The following PAQR4 variants were observed in gnomAD, a reference collection of about 807,000 sequenced individuals.
The protein encoded by PAQR4 is progestin and adipoQ receptor family member 4, also known as progestin and adipoQ receptor family member IV.
PAQR4 carries 26 observed loss-of-function variants against 20.9 expected under a neutral mutation model. That is an observed-to-expected ratio of 1.24 (90% CI 0.91 to 1.73). The LOEUF (loss-of-function observed/expected upper bound fraction) is 1.73, where lower values mean the gene tolerates loss of function less well. Among genes scored for constraint, PAQR4 ranks in the 40% most tolerant of loss-of-function variants. The pLI is 0.00. For missense variants in PAQR4, 400 were observed against 380.1 expected, an observed-to-expected ratio of 1.05 and a Z score of -0.44; for synonymous variants, 193 against 171.6, an observed-to-expected ratio of 1.12 and a Z score of -0.97.
Position 2,971,202 on chromosome 16 carries a change from C to A in PAQR4, c.212C>A (p.Pro71His). 1 of 1,613,416 alleles carries A rather than the reference C, an allele frequency of 6.2e-7. No individual in the cohort carries two copies. The highest frequency in any genetic ancestry group is 8.5e-7 in the Non-Finnish European group (1 of 1,180,004). The part of the protein sequence containing the change: ...GFLVLVPMTM[P>H]WGQLGKDGWL... The stretch of plus-strand genomic sequence containing the variant: ...CTGGTGCTGGTGCCAATGACCATGC[C>A]CTGGGGTCAGCTGGGCAAGGATGGC... The change falls in exon 2 of 3, where the codon CCC becomes CAC. Residue 71 changes from proline (P) to histidine (H), a missense_variant. Transcript: ENST00000318782.
Position 2,969,564 on chromosome 16 carries a change from TGGGCGCC to T in PAQR4, c.-96_-90del, listed in dbSNP as rs532150186. On this transcript the variant is annotated 5_prime_UTR_variant, in exon 1 of 3. The change abolishes the stop of an existing upstream ORF in the 5' untranslated region. Coordinates refer to ENST00000318782, the MANE Select transcript of PAQR4 (RefSeq NM_152341.5). Reference sequence around the variant, plus strand: ...CGCCGATCGAGCGCAGGGCGATGGGTGGGCGCCGGGCGCCGGGCGCCAGGCAGTGATG... The same window carrying T: ...CGCCGATCGAGCGCAGGGCGATGGGTGGGCGCCGGGCGCCAGGCAGTGATG... 558 of 1,254,104 alleles carry T rather than the reference TGGGCGCC, an allele frequency of 4.4e-4. No homozygotes were observed. The African/African-American group carries it at 6.1e-3, about 14-fold the overall frequency. The allele number at this position is 1,254,104 out of a possible 1,614,324, so 77.7% of individuals were successfully genotyped here.
rs1163312632 is a variant in PAQR4 at position 2,973,462 on chromosome 16, A to G, written c.*1514A>G. 1 of 1,512,872 alleles carries G rather than the reference A, an allele frequency of 6.6e-7. No homozygotes were observed. Among genetic ancestry groups the G allele is most frequent in the Admixed American group, 2.0e-5 (1 of 49,126 alleles). 93.7% of individuals were successfully genotyped at this position (1,512,872 alleles called of 1,614,324 possible). ...ACACATGGACTTGGAGGCAGATTTG[A>G]AATAAACTTTTAGTAAATGTAAGCC... On this transcript the variant is annotated 3_prime_UTR_variant, in exon 3 of 3. Transcript: ENST00000318782.
rs868732145 is a variant in PAQR4 at position 2,971,764 on chromosome 16, C to T, written c.638C>T (p.Ala213Val). ...LPCYLRMDALALLGGLVNVAR... is the reference protein window; with the variant it reads ...LPCYLRMDALVLLGGLVNVAR... ...TGCTACCTGCGCATGGACGCACTGGCGCTGCTTGGGGGACTGGTAAATGTA... is the reference window on the plus strand; with the variant it reads ...TGCTACCTGCGCATGGACGCACTGGTGCTGCTTGGGGGACTGGTAAATGTA... Residue 213 changes from alanine to valine, a missense_variant, in exon 3 of 3, where the codon GCG (alanine) becomes GTG (valine). Physicochemically the swap from Ala to Val is moderately conservative, Grantham distance 64 (BLOSUM62 0). Transcript: ENST00000318782. 9.3e-6 allele frequency: 15 copies of T among 1,612,820 alleles called. No individual in the cohort carries two copies. The highest frequency in any genetic ancestry group is 2.7e-5 in the African/African-American group (2 of 74,944).
intron 2 of PAQR4, 60 bp downstream of exon 2, chr16:2,971,438 C>A: frequency 6.3e-7 from 1 of 1,580,820 alleles, no homozygotes; most frequent in South Asian, 1.1e-5. Context: ...ATGGGGCACG[C>A]ATACAAGCCA....
chr16:2,970,062 T>A, intron 1 of PAQR4: 3 of 602,956 alleles, frequency 5.0e-6, no homozygotes, highest in Non-Finnish European at 8.5e-6. Context: ...GGGAGCAGAG[T>A]AGGGTCTGAG....
In PAQR4 at chr16:2,973,182, C is replaced by G; in HGVS notation, c.*1234C>G. The G allele has an allele frequency of 6.5e-7, 1 of 1,527,320 alleles. No individual in the cohort carries two copies. The highest frequency in any genetic ancestry group is 2.3e-5 in the East Asian group (1 of 43,074). The allele number at this position is 1,527,320 out of a possible 1,614,324, so 94.6% of individuals were successfully genotyped here. ...GGGGGGTGGAGGTGCTCCCCACAGT[C>G]CGGGCCAGGACAGCCTCAGGGGAGA... On this transcript the variant is annotated 3_prime_UTR_variant, in exon 3 of 3. Transcript: ENST00000318782.
In PAQR4 at chr16:2,973,478, A is replaced by T. The variant is rs1281234370; in HGVS notation, c.*1530A>T. 6.7e-7 allele frequency: 1 copy of T among 1,485,754 alleles called. No individual in the cohort carries two copies. Among genetic ancestry groups the T allele is most frequent in the African/African-American group, 1.4e-5 (1 of 71,754 alleles). 92.0% of individuals were successfully genotyped at this position (1,485,754 alleles called of 1,614,324 possible). A position where few individuals can be genotyped will look rare whatever the true frequency, so the allele number is the denominator to read the frequency against. ...GCAGATTTGAAATAAACTTTTAGTAAATGTAAGCCTTTCTGGAACTTCTTG... is the reference window on the plus strand; with the variant it reads ...GCAGATTTGAAATAAACTTTTAGTATATGTAAGCCTTTCTGGAACTTCTTG... On this transcript the variant is annotated 3_prime_UTR_variant, in exon 3 of 3. Transcript: ENST00000318782.
Position 2,972,213 on chromosome 16 carries a change from A to C in PAQR4, c.*265A>C. ...AACCTTTCCCTCTTGGGACCTCTTTACCCTCTGTGACCTGTGGGGTTAGAC... is the reference window on the plus strand; with the variant it reads ...AACCTTTCCCTCTTGGGACCTCTTTCCCCTCTGTGACCTGTGGGGTTAGAC... On this transcript the variant is annotated 3_prime_UTR_variant, in exon 3 of 3. Transcript: ENST00000318782. The C allele has an allele frequency of 3.7e-6, 2 of 534,866 alleles. No individual in the cohort carries two copies. The highest frequency in any genetic ancestry group is 6.6e-6 in the Non-Finnish European group (2 of 304,640). The allele number at this position is 534,866 out of a possible 1,614,324, so 33.1% of individuals were successfully genotyped here.
rs2072029816 is a variant in PAQR4 at position 2,972,719 on chromosome 16, T to C, written c.*771T>C. The C allele has an allele frequency of 6.5e-7, 1 of 1,536,050 alleles. No homozygotes were observed. ...TGGCCCAAGGCCAGGAGCGCTGGGTTCTGCAGCAGGGCTCAGCCTCAGGGG... is the reference window on the plus strand; with the variant it reads ...TGGCCCAAGGCCAGGAGCGCTGGGTCCTGCAGCAGGGCTCAGCCTCAGGGG... On this transcript the variant is annotated 3_prime_UTR_variant, in exon 3 of 3. Transcript: ENST00000318782.
intron 1 of PAQR4, among the ~76,000 whole-genome samples, chr16:2,970,633 C>T (rs981198625): frequency 6.6e-6 from 1 of 152,216 alleles, no homozygotes; most frequent in African/African-American, 2.4e-5. Context: ...CCCACCTGGC[C>T]TCACCCCTTT....
rs1041625091 is a variant in PAQR4, at chr16:2,969,523, C to T, written c.-152C>T. 2 of 828,688 alleles carry T rather than the reference C, an allele frequency of 2.4e-6. No homozygotes were observed. The highest frequency in any genetic ancestry group is 3.7e-5 in the African/African-American group (2 of 54,744). 51.3% of individuals were successfully genotyped at this position (828,688 alleles called of 1,614,324 possible). A position where few individuals can be genotyped will look rare whatever the true frequency, so the allele number is the denominator to read the frequency against. ...CGCCGGAGGGGCGCGGGCTGGGACC[C>T]CCTAGCCAGCGCGTGCGCCGATCGA... is the stretch of plus-strand genomic sequence containing the variant. On this transcript the variant is annotated 5_prime_UTR_variant, in exon 1 of 3. Coordinates refer to ENST00000318782, the MANE Select transcript of PAQR4 (RefSeq NM_152341.5).
chr16:2,969,869 A>C, intron 1 of PAQR4, 29 bp downstream of exon 1: 1 of 1,605,668 alleles, frequency 6.2e-7, no homozygotes, highest in African/African-American at 1.4e-5. Context: ...CGCGCTTCCC[A>C]CACCCCCGGC....
rs187261461 is a variant in PAQR4, at chr16:2,970,600, C to T, written c.167-557C>T. Among the ~76,000 whole-genome samples the T allele has an allele frequency of 1.2e-4, 19 of 152,310 alleles. No individual in the cohort carries two copies. In the East Asian group the frequency reaches 3.5e-3, roughly 28 times the overall value. On this transcript the variant is annotated intron_variant, in intron 1 of 2. Transcript: ENST00000318782. ...GGACAAGCCCCTCGAAGCCCCCTTCCCTTCATTCTGGACTTGTCTTCCCCC... is the reference window on the plus strand; with the variant it reads ...GGACAAGCCCCTCGAAGCCCCCTTCTCTTCATTCTGGACTTGTCTTCCCCC...
chr16:2,970,780 G>T (rs1179659433), intron 1 of PAQR4, among the ~76,000 whole-genome samples: 1 of 152,254 alleles, frequency 6.6e-6, no homozygotes, highest in Non-Finnish European at 1.5e-5. Flanking sequence ...CTCAACTTGA[G>T]GTTTCGCTGC....
rs149801113 is a variant in PAQR4, at chr16:2,972,294, G to A, written c.*346G>A. On this transcript the variant is annotated 3_prime_UTR_variant, in exon 3 of 3. Transcript: ENST00000318782. ...CTGAGAGTTCAAGTCCTGCCAGGCC[G>A]CCAGCCCAGAGCCTCCTCACCCTAT... 1.7e-3 allele frequency: 853 copies of A among 490,104 alleles called. 5 individuals are homozygous for A. The highest frequency in any genetic ancestry group is 0.014 in the African/African-American group (726 of 51,892). The allele number at this position is 490,104 out of a possible 1,614,324, so 30.4% of individuals were successfully genotyped here.
rs776974522 is a variant in PAQR4, at chr16:2,971,886, C to T, written c.760C>T (p.Leu254=). Residue 254 remains leucine, a synonymous_variant, in exon 3 of 3, where the codon CTG becomes TTG. Coordinates refer to ENST00000318782, the MANE Select transcript of PAQR4 (RefSeq NM_152341.5). The stretch of plus-strand genomic sequence containing the variant: ...GCTGAGCGTGGGCTCCATCCTGCAG[C>T]TGCACGCCGGCGTCGTGCCCGACCT... ...HLLSVGSILQ[L]HAGVVPDLLW... 1.2e-6 allele frequency: 2 copies of T among 1,609,938 alleles called. No individual in the cohort carries two copies. Among genetic ancestry groups the T allele is most frequent in the Non-Finnish European group, 1.7e-6 (2 of 1,179,764 alleles).
Position 2,972,947 on chromosome 16 carries a change from T to G in PAQR4, c.*999T>G. 1.3e-6 allele frequency: 2 copies of G among 1,599,542 alleles called. No individual in the cohort carries two copies. Among genetic ancestry groups the G allele is most frequent in the Non-Finnish European group, 1.7e-6 (2 of 1,173,660 alleles). On this transcript the variant is annotated 3_prime_UTR_variant, in exon 3 of 3. Coordinates refer to ENST00000318782, the MANE Select transcript of PAQR4 (RefSeq NM_152341.5). ...AGGTTAAAAGTGCAGAGGCAGAGTC[T>G]GGGGCTCAGGTTGGGTCTAGGGTGT...
At position 2,973,022 on chromosome 16, in the gene PAQR4, C is replaced by G. The variant is rs754495444; in HGVS notation, c.*1074C>G. The G allele has an allele frequency of 2.7e-5, 44 of 1,609,770 alleles. No homozygotes were observed. Among genetic ancestry groups the G allele is most frequent in the African/African-American group, 1.3e-5 (1 of 74,918 alleles). On this transcript the variant is annotated 3_prime_UTR_variant, in exon 3 of 3. Transcript: ENST00000318782. The stretch of plus-strand genomic sequence containing the variant: ...GAGGCTCAAAGGAGGGGAAGGAGCC[C>G]CGAGGAGGCTCTGAGTTGATGTCAC...
intron 1 of PAQR4, among the ~76,000 whole-genome samples, chr16:2,970,452 C>T (rs1160335973): frequency 6.6e-6 from 1 of 152,238 alleles, no homozygotes; most frequent in Non-Finnish European, 1.5e-5. Context: ...CAAGGGTGGG[C>T]AGCCTTCGGA....
Sources: gnomAD v4.1 joint callset for allele counts (sites outside exome capture counted in the v4.1 genomes callset) on GRCh38, gnomAD v4.1.1 for gene constraint, MANE v1.5 for transcripts, NCBI Gene and HGNC (gene_info 2026-07-23, HGNC 2026-07-21) for gene names.